Variants in KIRREL3 observed in about 807,000 individuals in gnomAD.
KIRREL3 encodes the protein kirre like nephrin family adhesion molecule 3.
KIRREL3 carries 36 observed loss-of-function variants against 89.7 expected under a neutral mutation model. The observed-to-expected ratio is 0.40, with a 90% confidence interval of 0.31 to 0.53. The LOEUF (loss-of-function observed/expected upper bound fraction) is 0.53, where lower values mean the gene tolerates loss of function less well. Ranked by LOEUF, KIRREL3 falls within the 20% of genes least tolerant of loss-of-function variation. The pLI is 0.49. For synonymous variants in KIRREL3, 445 were observed against 441.4 expected, an observed-to-expected ratio of 1.01 and a Z score of -0.10; for missense variants, 864 against 1,056.6, an observed-to-expected ratio of 0.82 and a Z score of 2.53.
chr11:126,990,973 T>G lies in KIRREL3; in HGVS notation c.55+9482A>C, dbSNP rs1950018574. Among the ~76,000 whole-genome samples the G allele has an allele frequency of 6.6e-6, 1 of 152,190 alleles. No homozygotes were observed. The highest frequency in any genetic ancestry group is 1.5e-5 in the Non-Finnish European group (1 of 68,036). On this transcript the variant is annotated intron_variant, in intron 1 of 16. Coordinates refer to ENST00000525144, the MANE Select transcript of KIRREL3 (RefSeq NM_032531.4). The surrounding 1 kb of genome is among the most constrained non-coding windows in gnomAD (Gnocchi z 6.3). Reference sequence around the variant, plus strand: ...CCCAGTGTTACTCTGAAGCTGTCATTGCTCCCAGCATTGCCAAGGGTGACA... The same window carrying G: ...CCCAGTGTTACTCTGAAGCTGTCATGGCTCCCAGCATTGCCAAGGGTGACA...
Position 126,683,021 on chromosome 11 carries a change from ACTTTT to A in KIRREL3, c.56-120114_56-120110del, listed in dbSNP as rs1946529245. On this transcript the variant is annotated intron_variant, in intron 1 of 16. Coordinates refer to ENST00000525144, the MANE Select transcript of KIRREL3 (RefSeq NM_032531.4). The surrounding 1 kb of genome is among the most constrained non-coding windows in gnomAD (Gnocchi z 5.2). Reference sequence around the variant, plus strand: ...AGGCATGCACTACTATGCCTGGGTAACTTTTTTGATTTTTATTAGAGATGAGGTCT... The same window carrying A: ...AGGCATGCACTACTATGCCTGGGTAATTGATTTTTATTAGAGATGAGGTCT... Among the ~76,000 whole-genome samples the A allele has an allele frequency of 6.6e-6, 1 of 152,098 alleles. No homozygotes were observed. The highest frequency in any genetic ancestry group is 1.5e-5 in the Non-Finnish European group (1 of 68,022).
intron 6 of KIRREL3, among the ~76,000 whole-genome samples, chr11:126,460,736 C>T (rs906568786): frequency 5.9e-5 from 9 of 152,174 alleles, no homozygotes; most frequent in African/African-American, 1.4e-4. Flanking sequence ...TGCAGAAGGC[C>T]GGGTGGGCTG....
intron 1 of KIRREL3, among the ~76,000 whole-genome samples, chr11:126,702,906 A>C (rs1267906462): frequency 3.9e-5 from 6 of 152,228 alleles, no homozygotes; most frequent in Admixed American, 3.9e-4. Context: ...GGAGGGGAGC[A>C]AGCTCCCATT....
rs765754995 is a variant in KIRREL3, at chr11:126,653,211, A to G, written c.56-90299T>C. ...AGGCAGACAGTGCACTATCTACAGA[A>G]TCCAACGGAGGAGGCGGTACTGGGG... On this transcript the variant is annotated intron_variant, in intron 1 of 16. Transcript: ENST00000525144. The surrounding 1 kb of genome is among the most constrained non-coding windows in gnomAD (Gnocchi z 5.4). Among the ~76,000 whole-genome samples the G allele has an allele frequency of 5.3e-5, 8 of 152,212 alleles. No homozygotes were observed. The highest frequency in any genetic ancestry group is 7.3e-5 in the Non-Finnish European group (5 of 68,034).
rs767150407 is a variant in KIRREL3 at position 126,463,965 on chromosome 11, C to T, written c.592-658G>A. The stretch of plus-strand genomic sequence containing the variant: ...TAGGGGAGGAAATAGGTGGGCTAGA[C>T]AGAGGCTATGGAGCTTGACCAAACT... On this transcript the variant is annotated intron_variant, in intron 5 of 16. Transcript: ENST00000525144. This position sits in a 1 kb window ranked among gnomAD's most constrained non-coding sequence, Gnocchi z 5.9. 2.0e-5 allele frequency among the ~76,000 whole-genome samples: 3 copies of T among 152,180 alleles called. No individual in the cohort carries two copies. Among genetic ancestry groups the T allele is most frequent in the Non-Finnish European group, 2.9e-5 (2 of 68,042 alleles).
Position 126,677,432 on chromosome 11 carries a change from G to A in KIRREL3, c.56-114520C>T, listed in dbSNP as rs930898424. Among the ~76,000 whole-genome samples the A allele has an allele frequency of 2.6e-5, 4 of 152,202 alleles. No homozygotes were observed. The highest frequency in any genetic ancestry group is 9.7e-5 in the African/African-American group (4 of 41,446). On this transcript the variant is annotated intron_variant, in intron 1 of 16. Transcript: ENST00000525144. The surrounding 1 kb of genome is among the most constrained non-coding windows in gnomAD (Gnocchi z 5.1). ...GAAAGGATGTTGGCATAGTCTGGGT[G>A]CTTTGCTATCTATTATCTCCTCTAA...
chr11:126,914,963 C>A (rs1946978411), intron 1 of KIRREL3, among the ~76,000 whole-genome samples: 1 of 152,206 alleles, frequency 6.6e-6, no homozygotes, highest in African/African-American at 2.4e-5. Context: ...AACAACTTGG[C>A]AGATGATGTC....
intron 1 of KIRREL3, among the ~76,000 whole-genome samples, chr11:126,698,033 C>T (rs935218923): frequency 6.6e-6 from 1 of 152,152 alleles, no homozygotes; most frequent in East Asian, 1.9e-4. Context: ...GGCAAAATGG[C>T]AAATGGCACA....
intron 1 of KIRREL3, among the ~76,000 whole-genome samples, chr11:126,583,748 CGCA>C (rs60164222): frequency 0.21 from 31,971 of 151,966 alleles, 3,659 homozygotes; most frequent in East Asian, 0.38. Flanking sequence ...GTGCCTGGCA[CGCA>C]GCGAGGACTC....
intron 8 of KIRREL3, among the ~76,000 whole-genome samples, chr11:126,447,251 G>A (rs894587504): frequency 5.3e-5 from 8 of 151,792 alleles, no homozygotes; most frequent in East Asian, 2.0e-4. Flanking sequence ...AGAAAGCTGC[G>A]GAAGCCCCTC....
chr11:126,501,455 G>C lies in KIRREL3; in HGVS notation c.433+19860C>G, dbSNP rs986005142. 6.6e-6 allele frequency among the ~76,000 whole-genome samples: 1 copy of C among 152,168 alleles called. No individual in the cohort carries two copies. The highest frequency in any genetic ancestry group is 2.4e-5 in the African/African-American group (1 of 41,434). ...GGTGCCCAGGTGGGGAAGGCAGAGC[G>C]CAGGTCGAGCAGATTCTACCGCAGC... On this transcript the variant is annotated intron_variant, in intron 4 of 16. Coordinates refer to ENST00000525144, the MANE Select transcript of KIRREL3 (RefSeq NM_032531.4). This position sits in a 1 kb window ranked among gnomAD's most constrained non-coding sequence, Gnocchi z 5.8.
intron 1 of KIRREL3, among the ~76,000 whole-genome samples, chr11:126,882,291 G>A (rs958207489): frequency 1.3e-5 from 2 of 152,154 alleles, no homozygotes; most frequent in African/African-American, 4.8e-5. Context: ...TTTCCAGTAT[G>A]GGGCACATTT....
rs1182976570 is a variant in KIRREL3 at position 126,496,619 on chromosome 11, G to A, written c.434-23153C>T. ...ACAGGGTCTTGGGAGGTGGGGTGGAGGGACATTCCTGGAGAAGGAGGCTAA... is the reference window on the plus strand; with the variant it reads ...ACAGGGTCTTGGGAGGTGGGGTGGAAGGACATTCCTGGAGAAGGAGGCTAA... On this transcript the variant is annotated intron_variant, in intron 4 of 16. Coordinates refer to ENST00000525144, the MANE Select transcript of KIRREL3 (RefSeq NM_032531.4). This position sits in a 1 kb window ranked among gnomAD's most constrained non-coding sequence, Gnocchi z 4.9. Among the ~76,000 whole-genome samples the A allele has an allele frequency of 6.6e-6, 1 of 152,080 alleles. No homozygotes were observed. The highest frequency in any genetic ancestry group is 1.9e-4 in the East Asian group (1 of 5,174).
At chr11:126,510,725 G>T (rs1958193363) in intron 4 of KIRREL3, among the ~76,000 whole-genome samples, 1 of 152,130 alleles carries the variant, frequency 6.6e-6, no homozygotes, top group African/African-American at 2.4e-5. Context: ...TTTAAAAATT[G>T]TGTACACAGT....
intron 1 of KIRREL3, among the ~76,000 whole-genome samples, chr11:126,698,914 G>T (rs566514351): frequency 5.9e-5 from 9 of 152,342 alleles, no homozygotes; most frequent in Admixed American, 3.9e-4. Flanking sequence ...CTTCCCATTT[G>T]CTTGCTCCAC....
chr11:126,762,623 G>A (rs1184644320), intron 1 of KIRREL3, among the ~76,000 whole-genome samples: 5 of 152,320 alleles, frequency 3.3e-5, no homozygotes, highest in Admixed American at 3.3e-4. Context: ...GGGAGCTGGA[G>A]CAACCCTTGT....
rs61728031 is a variant in KIRREL3, at chr11:126,451,113, ATGTG to A, written c.849-1960_849-1957del. ...CATATGTGTCCATGTGCATGTGTGC[ATGTG>A]TGTGTGTGCATGTGCATGTGTGTGC... is the stretch of plus-strand genomic sequence containing the variant. On this transcript the variant is annotated intron_variant, in intron 7 of 16. Coordinates refer to ENST00000525144, the MANE Select transcript of KIRREL3 (RefSeq NM_032531.4). Among the ~76,000 whole-genome samples the A allele has an allele frequency of 8.3e-3, 1,193 of 142,910 alleles. 21 individuals are homozygous for A. Among genetic ancestry groups the A allele is most frequent in the African/African-American group, 0.029 (1,094 of 38,148 alleles). The allele number at this position is 142,910 out of a possible 152,430, so 93.8% of individuals were successfully genotyped here.
intron 1 of KIRREL3, among the ~76,000 whole-genome samples, chr11:126,781,893 G>T (rs1016941782): frequency 6.6e-6 from 1 of 152,178 alleles, no homozygotes; most frequent in Admixed American, 6.5e-5. Flanking sequence ...CAAAGGTGGG[G>T]TTGCTGAAAA....
At chr11:126,437,032 G>C (rs1371453657) in intron 11 of KIRREL3, 23 bp from the exon 12 acceptor site, 1 of 1,496,756 alleles carries the variant, frequency 6.7e-7, no homozygotes, top group Non-Finnish European at 9.0e-7. Flanking sequence ...GCAGAATCAG[G>C]AGGAGACCCC....
Sources: allele counts gnomAD v4.1 joint callset (sites outside exome capture counted in the v4.1 genomes callset), GRCh38; gene constraint gnomAD v4.1.1; non-coding constraint Gnocchi (gnomAD v3.1); transcripts MANE v1.5; gene names NCBI Gene and HGNC (gene_info 2026-07-23, HGNC 2026-07-21).